The following METTL15 variants were observed in gnomAD, a reference collection of about 807,000 sequenced individuals.
METTL15 encodes methyltransferase 15, mitochondrial 12S rRNA N4-cytidine.
A neutral mutation model predicts 38.3 loss-of-function variants in METTL15; 34 were observed. That is an observed-to-expected ratio of 0.89 (90% CI 0.68 to 1.18). The LOEUF is 1.18. METTL15 is among the 50% of genes most tolerant of loss of function. The pLI, the probability that METTL15 is intolerant of heterozygous loss-of-function variation, is 0.00. For missense variants in METTL15, 438 were observed against 498.4 expected, an observed-to-expected ratio of 0.88 and a Z score of 1.15; for synonymous variants, 162 against 170.9, an observed-to-expected ratio of 0.95 and a Z score of 0.41.
chr11:28,269,188 A>T (rs1256864239), intron 4 of METTL15, among the ~76,000 whole-genome samples: 1 of 152,130 alleles, frequency 6.6e-6, no homozygotes, highest in Non-Finnish European at 1.5e-5. Flanking sequence ...TATTTATTCT[A>T]CTGGAAACCA....
chr11:28,486,427 G>A (rs912802656), intron 6 of METTL15, among the ~76,000 whole-genome samples: 1 of 151,960 alleles, frequency 6.6e-6, no homozygotes, highest in African/African-American at 2.4e-5. Context: ...AGATGATTGG[G>A]TAAAGCAGAT....
At chr11:28,267,160 C>CAAAA (rs57831121) in intron 4 of METTL15, among the ~76,000 whole-genome samples, 2 of 53,750 alleles carry the variant, frequency 3.7e-5, no homozygotes, top group Non-Finnish European at 7.9e-5. Flanking sequence ...AACTCCATCT[C>CAAAA]AAAAAAAAAA....
In METTL15 at chr11:28,384,161, A is replaced by T. The variant is rs112766659; in HGVS notation, c.*358+22125A>T. Among the ~76,000 whole-genome samples, 484 of 152,218 alleles carry T rather than the reference A, an allele frequency of 3.2e-3. 5 individuals carry two copies. The highest frequency in any genetic ancestry group is 0.011 in the African/African-American group (466 of 41,546). ...GATATTGTTCATTTTTATGGCTGCA[A>T]AGTATTCCATGGTGTATATATACCC... On this transcript the variant is annotated intron_variant and NMD_transcript_variant, in intron 5 of 7. Transcript: ENST00000532947.
In METTL15 at chr11:28,184,109, CAT is replaced by C. The variant is rs1348540847; in HGVS notation, c.271-26950_271-26949del. Among the ~76,000 whole-genome samples, 7 of 151,464 alleles carry C rather than the reference CAT, an allele frequency of 4.6e-5. No individual in the cohort carries two copies. The East Asian group carries it at 7.8e-4, about 17-fold the overall frequency. ...CTGTGGAATCAGTGGTGATATCCCT[CAT>C]ATTATTTTTTATTGTGTCTATTTGA... On this transcript the variant is annotated intron_variant, in intron 3 of 6. Coordinates refer to ENST00000407364, the MANE Select transcript of METTL15 (RefSeq NM_001113528.2).
chr11:28,208,422 G>C (rs1229596914), intron 3 of METTL15, among the ~76,000 whole-genome samples: 1 of 152,138 alleles, frequency 6.6e-6, no homozygotes, highest in Non-Finnish European at 1.5e-5. Flanking sequence ...GAGTGGTTTT[G>C]AGTGAGTTTC....
intron 4 of METTL15, among the ~76,000 whole-genome samples, chr11:28,361,112 A>G (rs543358203): frequency 2.0e-5 from 3 of 151,606 alleles, no homozygotes; most frequent in African/African-American, 4.8e-5. Context: ...TAGTGCCGCA[A>G]TAAACATACG....
intron 4 of METTL15, among the ~76,000 whole-genome samples, chr11:28,356,536 G>A (rs1237337110): frequency 3.3e-5 from 5 of 152,150 alleles, no homozygotes; most frequent in African/African-American, 1.2e-4. Context: ...CTCTCTGCAG[G>A]AAAGTTTCCA....
At chr11:28,469,787 G>T (rs1030932288) in intron 6 of METTL15, among the ~76,000 whole-genome samples, 8 of 152,056 alleles carry the variant, frequency 5.3e-5, no homozygotes, top group Non-Finnish European at 1.2e-4. Context: ...CATGAAATGA[G>T]ATTCATTTAG....
intron 6 of METTL15, among the ~76,000 whole-genome samples, chr11:28,471,466 A>G (rs1851302434): frequency 6.6e-6 from 1 of 152,174 alleles, no homozygotes; most frequent in Non-Finnish European, 1.5e-5. Flanking sequence ...CTGAATCAAT[A>G]GAATAACTCA....
At position 28,332,991 on chromosome 11, in the gene METTL15, A is replaced by G. The variant is rs1453069713; in HGVS notation, c.*2150A>G. On this transcript the variant is annotated 3_prime_UTR_variant, in exon 7 of 7. Coordinates refer to ENST00000407364, the MANE Select transcript of METTL15 (RefSeq NM_001113528.2). Reference sequence around the variant, plus strand: ...AGATAGAGACACAGGGGAGAATGCCACATGAAGCTGGAGGCAGAGATTGGA... The same window carrying G: ...AGATAGAGACACAGGGGAGAATGCCGCATGAAGCTGGAGGCAGAGATTGGA... The G allele has an allele frequency of 7.0e-6, 1 of 142,108 alleles. No individual in the cohort carries two copies. The highest frequency in any genetic ancestry group is 1.5e-5 in the Non-Finnish European group (1 of 66,388). 8.8% of individuals were successfully genotyped at this position (142,108 alleles called of 1,614,324 possible).
chr11:28,312,022 C>CT (rs79541610), intron 6 of METTL15, among the ~76,000 whole-genome samples: 7 of 151,942 alleles, frequency 4.6e-5, no homozygotes, highest in East Asian at 3.9e-4. Context: ...GAAAGCATTC[C>CT]TTTTTTTTGT....
chr11:28,498,481 C>CT (rs1042564855), intron 6 of METTL15, among the ~76,000 whole-genome samples: 3 of 152,138 alleles, frequency 2.0e-5, no homozygotes, highest in Non-Finnish European at 4.4e-5. Context: ...ACTCAGGGAT[C>CT]TAACAGAGAA....
Position 28,523,173 on chromosome 11 carries a change from G to A in METTL15, c.*425-3305G>A, listed in dbSNP as rs533025512. On this transcript the variant is annotated intron_variant and NMD_transcript_variant, in intron 6 of 7. Transcript: ENST00000532947. ...GAGGATATAACTAGTTAAAACAGCA[G>A]GTACTGAAAGCTATCATCAAACCTA... 3.3e-5 allele frequency among the ~76,000 whole-genome samples: 5 copies of A among 152,272 alleles called. 1 individual carries two copies. The highest frequency in any genetic ancestry group is 7.4e-5 in the Non-Finnish European group (5 of 68,002).
At chr11:28,241,561 C>T (rs183462547) in intron 4 of METTL15, among the ~76,000 whole-genome samples, 174 of 150,256 alleles carry the variant, frequency 1.2e-3, no homozygotes, top group Non-Finnish European at 2.0e-3. Context: ...AAAAAGAAAA[C>T]CAGAGAAAAG....
intron 3 of METTL15, among the ~76,000 whole-genome samples, chr11:28,192,416 A>G (rs1449357944): frequency 6.7e-6 from 1 of 148,864 alleles, no homozygotes; most frequent in Non-Finnish European, 1.5e-5. Flanking sequence ...TTATATATTA[A>G]TGCATTTGAT....
At chr11:28,120,508 G>T (rs1336802490) in intron 3 of METTL15, among the ~76,000 whole-genome samples, 1 of 151,636 alleles carries the variant, frequency 6.6e-6, no homozygotes, top group African/African-American at 2.4e-5. Context: ...GCTCTCTGGG[G>T]GTAAGGGGTG....
intron 3 of METTL15, among the ~76,000 whole-genome samples, chr11:28,152,904 G>A (rs541612820): frequency 6.6e-6 from 1 of 152,018 alleles, no homozygotes; most frequent in African/African-American, 2.4e-5. Flanking sequence ...TGGGAAAGGG[G>A]TGGGCAGTTC....
At chr11:28,273,244 A>G (rs1855715855) in intron 4 of METTL15, among the ~76,000 whole-genome samples, 1 of 152,156 alleles carries the variant, frequency 6.6e-6, no homozygotes, top group Admixed American at 6.6e-5. Flanking sequence ...AAAGATCTCA[A>G]AAGCATCCAT....
intron 5 of METTL15, among the ~76,000 whole-genome samples, chr11:28,366,124 T>G (rs1850183352): frequency 6.6e-6 from 1 of 152,114 alleles, no homozygotes; most frequent in Non-Finnish European, 1.5e-5. Flanking sequence ...AGGCAGTAAT[T>G]ATTCCTTTCC....
Sources: allele counts gnomAD v4.1 joint callset (sites outside exome capture counted in the v4.1 genomes callset), GRCh38; gene constraint gnomAD v4.1.1; transcripts MANE v1.5; gene names NCBI Gene and HGNC (gene_info 2026-07-23, HGNC 2026-07-21).